The following NBR1 variants were observed in gnomAD, a reference collection of about 807,000 sequenced individuals.
The protein encoded by NBR1 is next to BRCA1 gene 1 protein.
In NBR1, 59 loss-of-function variants were observed where a neutral mutation model predicts 115.5. The ratio of observed to expected loss-of-function variants is 0.51; its 90% CI spans 0.41 to 0.63. The LOEUF is 0.63. NBR1 is among the 30% of genes least tolerant of loss of function. NBR1 has a pLI of 0.00. For synonymous variants in NBR1, 373 were observed against 414.7 expected, an observed-to-expected ratio of 0.90 and a Z score of 1.22; for missense variants, 1,043 against 1,150.5, an observed-to-expected ratio of 0.91 and a Z score of 1.35.
At chr17:43,184,372 C>CT (rs71160024) in intron 5 of NBR1, among the ~76,000 whole-genome samples, 18 of 96,188 alleles carry the variant, frequency 1.9e-4, no homozygotes, top group African/African-American at 5.6e-4. Context: ...AAATACTATT[C>CT]TTTTTTTTTT....
chr17:43,177,859 T>G lies in NBR1; in HGVS notation c.103-77T>G, dbSNP rs73309393. The G allele has an allele frequency of 2.8e-3, 3,544 of 1,244,092 alleles. 64 individuals are homozygous for G. The African/African-American group carries it at 0.048, about 17-fold the overall frequency. 77.1% of individuals were successfully genotyped at this position (1,244,092 alleles called of 1,614,324 possible). A position where few individuals can be genotyped will look rare whatever the true frequency, so the allele number is the denominator to read the frequency against. ...TATTAAGGTTGTTTGTTGTTTGTCT[T>G]TTGATTTTGTGGGTTTTTTTTACTT... On this transcript the variant is annotated intron_variant, in intron 2 of 20. Coordinates refer to ENST00000590996, the MANE Select transcript of NBR1 (RefSeq NM_005899.5).
At position 43,196,485 on chromosome 17, in the gene NBR1, G is replaced by C; in HGVS notation, c.1755G>C (p.Val585=). 1 of 1,568,874 alleles carries C rather than the reference G, an allele frequency of 6.4e-7. No individual in the cohort carries two copies. The highest frequency in any genetic ancestry group is 1.4e-5 in the African/African-American group (1 of 72,896). Reference sequence around the variant, plus strand: ...TCTCCTGTCTTCATTCTCCAGATGTGACTCCCTGCATGTCTCCTCTGCCAC... The same window carrying C: ...TCTCCTGTCTTCATTCTCCAGATGTCACTCCCTGCATGTCTCCTCTGCCAC... The part of the protein sequence containing the change: ...ERVPHNTPVD[V]TPCMSPLPHD... Residue 585 remains valine (V), a synonymous_variant, in exon 15 of 21, where the codon GTG becomes GTC. Transcript: ENST00000590996.
At chr17:43,184,372 C>CATTTTTTTTTTT (rs2056749702) in intron 5 of NBR1, among the ~76,000 whole-genome samples, 1 of 96,194 alleles carries the variant, frequency 1.0e-5, no homozygotes, top group Non-Finnish European at 2.1e-5. Context: ...AAATACTATT[C>CATTTTTTTTTTT]TTTTTTTTTT....
chr17:43,209,442 GT>G (rs1160559247), intron 20 of NBR1: 26 of 797,260 alleles, frequency 3.3e-5, no homozygotes, highest in Non-Finnish European at 5.0e-5. Flanking sequence ...TTCCCAAGCT[GT>G]TTTTTTTGTC....
chr17:43,175,811 G>T lies in NBR1; in HGVS notation c.12G>T (p.Gln4His). 2 of 1,587,714 alleles carry T rather than the reference G, an allele frequency of 1.3e-6. No individual in the cohort carries two copies. Among genetic ancestry groups the T allele is most frequent in the Non-Finnish European group, 1.7e-6 (2 of 1,160,816 alleles). MEP[Q>H]VTLNVTFKNE... is the part of the protein sequence containing the mutation. ...CCTAGCCTCACAGCATGGAACCACAGGTTACTCTAAATGTGACTTTTAAAA... is the reference window on the plus strand; with the variant it reads ...CCTAGCCTCACAGCATGGAACCACATGTTACTCTAAATGTGACTTTTAAAA... Residue 4 changes from glutamine (Q) to histidine (H), a missense_variant, in exon 2 of 21, where the codon CAG (glutamine) becomes CAT (histidine). Gln to His is a conservative substitution (Grantham distance 24). Coordinates refer to ENST00000590996, the MANE Select transcript of NBR1 (RefSeq NM_005899.5).
At chr17:43,198,017 G>A (rs1245241911) in intron 16 of NBR1, among the ~76,000 whole-genome samples, 1 of 151,766 alleles carries the variant, frequency 6.6e-6, no homozygotes, top group Non-Finnish European at 1.5e-5. Flanking sequence ...GCCAGGTGTG[G>A]TGGCTACATG....
chr17:43,188,450 A>G (rs2056869925), intron 6 of NBR1, among the ~76,000 whole-genome samples: 1 of 152,130 alleles, frequency 6.6e-6, no homozygotes, highest in Non-Finnish European at 1.5e-5. Flanking sequence ...GCTGTGCAGA[A>G]GCTCTTTAGT....
intron 1 of NBR1, among the ~76,000 whole-genome samples, chr17:43,175,294 A>T (rs1319850868): frequency 6.6e-6 from 1 of 152,090 alleles, no homozygotes; most frequent in Admixed American, 6.5e-5. Flanking sequence ...AAAATGTAGA[A>T]TGTCACTCTC....
Position 43,180,834 on chromosome 17 carries a change from C to A in NBR1, c.207+17C>A. On this transcript the variant is annotated intron_variant, in intron 5 of 20. Coordinates refer to ENST00000590996, the MANE Select transcript of NBR1 (RefSeq NM_005899.5). ...GCGCTTAAGGTAATGATTATTTAAT[C>A]TCATTTTTAAATAATTTAAAAAATA... The A allele has an allele frequency of 1.4e-6, 2 of 1,414,644 alleles. No homozygotes were observed. The highest frequency in any genetic ancestry group is 2.9e-5 in the East Asian group (1 of 34,934). The allele number at this position is 1,414,644 out of a possible 1,614,324, so 87.6% of individuals were successfully genotyped here.
chr17:43,185,064 G>C (rs2056767619), intron 5 of NBR1, among the ~76,000 whole-genome samples: 1 of 150,958 alleles, frequency 6.6e-6, no homozygotes, highest in Non-Finnish European at 1.5e-5. Flanking sequence ...ACTCTAGCCT[G>C]GTGACAGAGC....
In NBR1 at chr17:43,186,382, T is replaced by C. The variant is rs1226549589; in HGVS notation, c.340T>C (p.Tyr114His). 4 of 1,602,354 alleles carry C rather than the reference T, an allele frequency of 2.5e-6. No individual in the cohort carries two copies. Among genetic ancestry groups the C allele is most frequent in the African/African-American group, 1.3e-5 (1 of 74,712 alleles). The part of the protein sequence containing the change: ...ARAGKKPLAH[Y>H]SSLVRVLGSD... ...GGCAGGGAAGAAGCCACTTGCACAT[T>C]ACTCTTCACTGGTGAGAGTCTTGGG... The change falls in exon 6 of 21, where the codon TAC becomes CAC. Residue 114 changes from tyrosine (Y) to histidine (H), a missense_variant. Physicochemically the swap from Tyr to His is moderately conservative, Grantham distance 83. Transcript: ENST00000590996.
intron 6 of NBR1, among the ~76,000 whole-genome samples, chr17:43,187,803 C>G (rs2056852807): frequency 6.6e-6 from 1 of 151,730 alleles, no homozygotes; most frequent in Admixed American, 6.6e-5. Flanking sequence ...CCACCATGCC[C>G]AGCCCTGTTT....
chr17:43,189,265 A>C, intron 7 of NBR1, 146 bp downstream of exon 7: 1 of 667,996 alleles, frequency 1.5e-6, no homozygotes, highest in Non-Finnish European at 2.7e-6. Flanking sequence ...GAACAGTTCC[A>C]GTCGAGAAAG....
chr17:43,192,434 T>A (rs1011674427), intron 10 of NBR1, among the ~76,000 whole-genome samples: 8 of 151,954 alleles, frequency 5.3e-5, no homozygotes, highest in Non-Finnish European at 1.2e-4. Flanking sequence ...AGTGGCGCGA[T>A]CTCGGCTCAC....
At position 43,189,640 on chromosome 17, in the gene NBR1, A is replaced by C; in HGVS notation, c.533A>C (p.His178Pro). 6.2e-7 allele frequency: 1 copy of C among 1,614,032 alleles called. No individual in the cohort carries two copies. Among genetic ancestry groups the C allele is most frequent in the Non-Finnish European group, 8.5e-7 (1 of 1,179,882 alleles). Residue 178 changes from histidine to proline, a missense_variant, in exon 8 of 21, where the codon CAT becomes CCT. His to Pro is a moderately conservative substitution (Grantham distance 77). Transcript: ENST00000590996. ...ETVEKLEQKLHEKLVLQNPSL... is the reference protein window; with the variant it reads ...ETVEKLEQKLPEKLVLQNPSL... ...GTTGAGAAGCTTGAACAGAAATTAC[A>C]TGAAAAGCTTGTCCTCCAGAACCCA...
intron 18 of NBR1, among the ~76,000 whole-genome samples, 179 bp downstream of exon 18, chr17:43,201,959 C>T (rs2057209945): frequency 6.6e-6 from 1 of 152,002 alleles, no homozygotes; most frequent in South Asian, 2.1e-4. Flanking sequence ...GCAGGCGGAT[C>T]ATAGGGTCAG....
rs1392093618 is a variant in NBR1, at chr17:43,203,695, G to A, written c.2636G>A (p.Ser879Asn). ...SYDHSRHHHG[S>N]SIAGGLVKGA... is the part of the protein sequence containing the mutation. ...TTCCTCTGCAGGCACCATCATGGGA[G>A]CAGCATTGCTGGAGGACTGGTGAAG... The change falls in exon 20 of 21, where the codon AGC becomes AAC. Residue 879 changes from serine (S) to asparagine (N), a missense_variant. Transcript: ENST00000590996. The A allele has an allele frequency of 6.2e-7, 1 of 1,609,118 alleles. No individual in the cohort carries two copies. The highest frequency in any genetic ancestry group is 8.5e-7 in the Non-Finnish European group (1 of 1,177,258).
At chr17:43,183,692 C>T (rs181298923) in intron 5 of NBR1, among the ~76,000 whole-genome samples, 117 of 152,206 alleles carry the variant, frequency 7.7e-4, no homozygotes, top group African/African-American at 2.5e-3. Context: ...TTGAGTCTTG[C>T]TCTGTCACCC....
intron 1 of NBR1, among the ~76,000 whole-genome samples, chr17:43,172,970 C>T (rs1338264575): frequency 6.6e-6 from 1 of 151,870 alleles, no homozygotes; most frequent in Non-Finnish European, 1.5e-5. Context: ...GAACTACGGG[C>T]GCCCACCACC....
Sources: gnomAD v4.1 joint callset for allele counts (sites outside exome capture counted in the v4.1 genomes callset) on GRCh38, gnomAD v4.1.1 for gene constraint, MANE v1.5 for transcripts, NCBI Gene and HGNC (gene_info 2026-07-23, HGNC 2026-07-21) for gene names.